ARHGAP26: variants seen among roughly 807,000 people sequenced by gnomAD.
ARHGAP26 encodes Rho GTPase activating protein 26, also known as rho GTPase-activating protein 26.
ARHGAP26 carries 38 observed loss-of-function variants against 104.8 expected under a neutral mutation model. That is an observed-to-expected ratio of 0.36 (90% CI 0.28 to 0.48). The LOEUF is 0.48. ARHGAP26 is among the 20% of genes least tolerant of loss of function. ARHGAP26 has a pLI of 0.99. For synonymous variants in ARHGAP26, 341 were observed against 340.0 expected (o/e 1.00, Z -0.03); for missense variants, 704 against 947.9 (o/e 0.74, Z 3.38).
At position 143,228,748 on chromosome 5, in the gene ARHGAP26, C is replaced by T. The variant is rs974699568; in HGVS notation, c.*6302C>T. The T allele has an allele frequency of 4.9e-6, 1 of 202,766 alleles. No individual in the cohort carries two copies. The highest frequency in any genetic ancestry group is 1.0e-5 in the Non-Finnish European group (1 of 98,496). 12.6% of individuals were successfully genotyped at this position (202,766 alleles called of 1,614,324 possible). A position where few individuals can be genotyped will look rare whatever the true frequency, so the allele number is the denominator to read the frequency against. On this transcript the variant is annotated 3_prime_UTR_variant, in exon 23 of 23. Transcript: ENST00000645722. ...TAAACTTCAGTATTGACTATTGACT[C>T]GTGCATAGAATCCAATGCTGTAATT...
intron 1 of ARHGAP26, among the ~76,000 whole-genome samples, chr5:142,872,435 G>A (rs1238884214): frequency 6.6e-6 from 1 of 152,100 alleles, no homozygotes. Flanking sequence ...CCCCTTCAAT[G>A]AGGGAACCAT....
chr5:142,889,284 A>G lies in ARHGAP26; in HGVS notation c.486+3885A>G, dbSNP rs1758142831. Among the ~76,000 whole-genome samples the G allele has an allele frequency of 2.6e-5, 4 of 152,204 alleles. No individual in the cohort carries two copies. In the South Asian group the frequency reaches 8.3e-4, roughly 31 times the overall value. ...ACTGGAGGAGAAAAATGAAAAAATTAGACGAGGTCTTTGTTCTCATGGACT... is the reference window on the plus strand; with the variant it reads ...ACTGGAGGAGAAAAATGAAAAAATTGGACGAGGTCTTTGTTCTCATGGACT... On this transcript the variant is annotated intron_variant, in intron 5 of 22. Transcript: ENST00000645722.
chr5:143,171,337 G>A (rs1021613053), intron 20 of ARHGAP26, among the ~76,000 whole-genome samples: 11 of 152,180 alleles, frequency 7.2e-5, no homozygotes, highest in African/African-American at 2.7e-4. Flanking sequence ...CAGCCAACAA[G>A]TCATCCATCG....
chr5:142,940,889 A>C (rs1766188947), intron 11 of ARHGAP26, among the ~76,000 whole-genome samples: 1 of 151,900 alleles, frequency 6.6e-6, no homozygotes, highest in Non-Finnish European at 1.5e-5. Context: ...ATCCTGGCTA[A>C]CACGGTGAAA....
chr5:143,079,346 CCTT>C (rs1346581701), intron 17 of ARHGAP26, among the ~76,000 whole-genome samples: 4 of 152,214 alleles, frequency 2.6e-5, no homozygotes, highest in Admixed American at 2.0e-4. Flanking sequence ...CCATTTTTCT[CCTT>C]CTCTGTTTCC....
At chr5:143,144,600 GT>G (rs1262908471) in intron 19 of ARHGAP26, among the ~76,000 whole-genome samples, 17 of 151,990 alleles carry the variant, frequency 1.1e-4, no homozygotes. Context: ...AGAGATGGGG[GT>G]CTCACTGTGT....
intron 1 of ARHGAP26, among the ~76,000 whole-genome samples, chr5:142,789,788 C>T (rs1759423134): frequency 6.6e-6 from 1 of 152,178 alleles, no homozygotes; most frequent in East Asian, 1.9e-4. Flanking sequence ...CAGCACAAGA[C>T]ACTCCAAAAC....
At chr5:143,136,555 G>A (rs1197616529) in intron 19 of ARHGAP26, among the ~76,000 whole-genome samples, 1 of 152,166 alleles carries the variant, frequency 6.6e-6, no homozygotes, top group Non-Finnish European at 1.5e-5. Flanking sequence ...ATATTGGTTT[G>A]TTTTAGAGAC....
chr5:142,779,592 A>T (rs953335469), intron 1 of ARHGAP26, among the ~76,000 whole-genome samples: 1 of 152,204 alleles, frequency 6.6e-6, no homozygotes, highest in African/African-American at 2.4e-5. Context: ...CTCCTATTTT[A>T]TATGGTTTGA....
chr5:142,945,025 C>T (rs1766898568), intron 11 of ARHGAP26, among the ~76,000 whole-genome samples: 1 of 152,166 alleles, frequency 6.6e-6, no homozygotes, highest in East Asian at 1.9e-4. Context: ...GGGCTGTCCT[C>T]ATTCACCAGG....
chr5:142,899,653 C>T (rs189176915), intron 6 of ARHGAP26, among the ~76,000 whole-genome samples: 1 of 152,174 alleles, frequency 6.6e-6, no homozygotes, highest in East Asian at 1.9e-4. Flanking sequence ...CTTCATCCTG[C>T]CCCCTGAGGA....
chr5:142,836,636 A>T (rs1289725359), intron 1 of ARHGAP26, among the ~76,000 whole-genome samples: 1 of 152,198 alleles, frequency 6.6e-6, no homozygotes, highest in Admixed American at 6.5e-5. Context: ...AAGAGTAAGG[A>T]TTGGAATAGA....
At chr5:143,021,846 C>A (rs922868104) in intron 12 of ARHGAP26, among the ~76,000 whole-genome samples, 1 of 152,178 alleles carries the variant, frequency 6.6e-6, no homozygotes, top group African/African-American at 2.4e-5. Flanking sequence ...GGTAACACTG[C>A]TCTTGAAGGG....
At chr5:143,016,587 C>G (rs1162384230) in intron 12 of ARHGAP26, among the ~76,000 whole-genome samples, 1 of 151,824 alleles carries the variant, frequency 6.6e-6, no homozygotes, top group Non-Finnish European at 1.5e-5. Context: ...CCTGTAATGC[C>G]AGCTACTCAG....
intron 10 of ARHGAP26, among the ~76,000 whole-genome samples, chr5:142,922,459 A>G (rs1319456464): frequency 1.3e-5 from 2 of 152,100 alleles, no homozygotes; most frequent in South Asian, 2.1e-4. Flanking sequence ...GTAGAAAAAA[A>G]TAATCATGAG....
intron 13 of ARHGAP26, among the ~76,000 whole-genome samples, chr5:143,040,300 A>G (rs1783267299): frequency 6.6e-6 from 1 of 152,214 alleles, no homozygotes. Context: ...TAGCTGTAAA[A>G]TTCTATCATT....
At chr5:142,906,846 C>T (rs112967551) in intron 8 of ARHGAP26, among the ~76,000 whole-genome samples, 2,275 of 152,244 alleles carry the variant, frequency 0.015, 64 homozygotes, top group African/African-American at 0.052. Context: ...AATTATTAAA[C>T]GTCTGCTAAT....
intron 11 of ARHGAP26, among the ~76,000 whole-genome samples, chr5:142,986,192 C>T (rs4376299): frequency 0.68 from 103,794 of 151,826 alleles, 36,782 homozygotes; most frequent in Non-Finnish European, 0.78. Context: ...TTTTAATGAT[C>T]GCCATTCTAA....
chr5:142,898,009 G>A (rs1759724413), intron 6 of ARHGAP26, among the ~76,000 whole-genome samples: 1 of 152,124 alleles, frequency 6.6e-6, no homozygotes, highest in South Asian at 2.1e-4. Flanking sequence ...TATGCAAATC[G>A]ACCGTGTTCA....
Sources: gnomAD v4.1 joint callset for allele counts (sites outside exome capture counted in the v4.1 genomes callset) on GRCh38, gnomAD v4.1.1 for gene constraint, MANE v1.5 for transcripts, NCBI Gene and HGNC (gene_info 2026-07-23, HGNC 2026-07-21) for gene names.